HSF5: variants seen among roughly 807,000 people sequenced by gnomAD.
HSF5 encodes the protein heat shock transcription factor 5.
Under a neutral mutation model 50.8 loss-of-function variants are expected in HSF5, and 5 were observed. That is an observed-to-expected ratio of 0.10 (90% CI 0.05 to 0.21). HSF5 has a LOEUF of 0.21. HSF5 is among the 10% of genes least tolerant of loss of function. The pLI is 1.00. For missense variants in HSF5, 564 were observed against 762.6 expected, an observed-to-expected ratio of 0.74 and a Z score of 3.07; for synonymous variants, 307 against 307.4, an observed-to-expected ratio of 1.00 and a Z score of 0.02.
chr17:58,460,268 C>CT (rs1477803271), intron 4 of HSF5, among the ~76,000 whole-genome samples: 5 of 152,262 alleles, frequency 3.3e-5, no homozygotes, highest in Non-Finnish European at 7.4e-5. Flanking sequence ...ATCCTCCCAC[C>CT]TCAGCTTCCA....
intron 5 of HSF5, among the ~76,000 whole-genome samples, chr17:58,426,695 G>A (rs1265914467): frequency 4.6e-5 from 7 of 152,210 alleles, no homozygotes; most frequent in Admixed American, 4.6e-4. Context: ...CTATCAGAGT[G>A]TAGTTCCCAC....
At chr17:58,433,566 A>G (rs999196053) in intron 5 of HSF5, among the ~76,000 whole-genome samples, 11 of 152,226 alleles carry the variant, frequency 7.2e-5, no homozygotes, top group African/African-American at 2.4e-4. Flanking sequence ...AGAAATTAGG[A>G]AAGTTGAAGA....
At chr17:58,483,402 T>C (rs1305361255) in intron 1 of HSF5, among the ~76,000 whole-genome samples, 1 of 152,200 alleles carries the variant, frequency 6.6e-6, no homozygotes, top group Non-Finnish European at 1.5e-5. Flanking sequence ...TATTTATTCT[T>C]CTGTTAAGGG....
intron 3 of HSF5, among the ~76,000 whole-genome samples, chr17:58,463,786 A>G (rs1351257013): frequency 6.6e-6 from 1 of 152,260 alleles, no homozygotes; most frequent in East Asian, 1.9e-4. Context: ...AATATGGGGA[A>G]AAATGGATGG....
chr17:58,447,041 C>T (rs565137512), intron 5 of HSF5, among the ~76,000 whole-genome samples: 1 of 152,168 alleles, frequency 6.6e-6, no homozygotes, highest in Non-Finnish European at 1.5e-5. Flanking sequence ...AGGAGAATCG[C>T]TTGAACCTGG....
At chr17:58,465,085 G>C (rs1974843016) in intron 3 of HSF5, among the ~76,000 whole-genome samples, 1 of 151,036 alleles carries the variant, frequency 6.6e-6, no homozygotes. Context: ...TCCCAAGCTA[G>C]GACAAAAGGT....
intron 5 of HSF5, among the ~76,000 whole-genome samples, chr17:58,452,480 C>T (rs186379008): frequency 1.1e-4 from 16 of 152,222 alleles, no homozygotes; most frequent in Admixed American, 5.9e-4. Context: ...CCTGAAAAGA[C>T]CAATAATGAG....
At chr17:58,433,065 G>A (rs944495372) in intron 5 of HSF5, among the ~76,000 whole-genome samples, 1 of 152,158 alleles carries the variant, frequency 6.6e-6, no homozygotes, top group African/African-American at 2.4e-5. Context: ...CCAGGCTGGA[G>A]TGCAGTGGCA....
chr17:58,462,745 T>G, intron 4 of HSF5, 37 bp downstream of exon 4: 2 of 1,545,340 alleles, frequency 1.3e-6, no homozygotes, highest in Non-Finnish European at 1.7e-6. Flanking sequence ...ACTAGGTACT[T>G]TGAGCTTTAT....
intron 5 of HSF5, among the ~76,000 whole-genome samples, chr17:58,430,761 A>G (rs1419254811): frequency 2.0e-5 from 3 of 152,204 alleles, no homozygotes; most frequent in Admixed American, 1.3e-4. Flanking sequence ...CTCAGCCTCC[A>G]TAACAGTATA....
chr17:58,436,553 A>C (rs1254528855), intron 5 of HSF5, among the ~76,000 whole-genome samples: 1 of 152,152 alleles, frequency 6.6e-6, no homozygotes, highest in Admixed American at 6.5e-5. Context: ...AAAAAACAAC[A>C]GGAAGAGTTA....
intron 2 of HSF5, among the ~76,000 whole-genome samples, chr17:58,477,693 C>A (rs12944319): frequency 6.6e-6 from 1 of 151,604 alleles, no homozygotes; most frequent in African/African-American, 2.4e-5. Context: ...ATCTCCTGAC[C>A]TCGTGATCTG....
intron 5 of HSF5, among the ~76,000 whole-genome samples, chr17:58,436,144 T>C (rs2143739219): frequency 6.6e-6 from 1 of 152,194 alleles, no homozygotes; most frequent in Admixed American, 6.5e-5. Context: ...CACCAAAAGC[T>C]TTCTTTCTAA....
At chr17:58,445,414 T>G (rs562070216) in intron 5 of HSF5, among the ~76,000 whole-genome samples, 1 of 152,300 alleles carries the variant, frequency 6.6e-6, no homozygotes, top group African/African-American at 2.4e-5. Flanking sequence ...GCCTCATCTC[T>G]TAAAAGGAAA....
chr17:58,476,033 C>T, intron 2 of HSF5: 1 of 404,600 alleles, frequency 2.5e-6, no homozygotes, highest in Non-Finnish European at 4.5e-6. Flanking sequence ...AAGAGGAAAA[C>T]AAACAAAAAA....
intron 2 of HSF5, among the ~76,000 whole-genome samples, chr17:58,467,600 T>C (rs1365892112): frequency 6.6e-6 from 1 of 152,264 alleles, no homozygotes; most frequent in Non-Finnish European, 1.5e-5. Context: ...TTCTGCATCC[T>C]ATTAAAATAG....
intron 5 of HSF5, among the ~76,000 whole-genome samples, chr17:58,448,459 C>G (rs1419493352): frequency 6.6e-6 from 1 of 151,964 alleles, no homozygotes; most frequent in Non-Finnish European, 1.5e-5. Flanking sequence ...AGATCAAGAA[C>G]AAAGAAAGAA....
At chr17:58,464,331 A>G (rs935122392) in intron 3 of HSF5, among the ~76,000 whole-genome samples, 3 of 152,212 alleles carry the variant, frequency 2.0e-5, no homozygotes, top group African/African-American at 7.2e-5. Context: ...GAAATGTGAT[A>G]ATCTCCATTT....
At chr17:58,458,388 C>T (rs1025142189) in intron 5 of HSF5, among the ~76,000 whole-genome samples, 2 of 152,140 alleles carry the variant, frequency 1.3e-5, no homozygotes, top group Non-Finnish European at 2.9e-5. Flanking sequence ...AATGCATGCC[C>T]TCTTGTCCTA....
Sources: allele counts gnomAD v4.1 joint callset (sites outside exome capture counted in the v4.1 genomes callset), GRCh38; gene constraint gnomAD v4.1.1; transcripts MANE v1.5; gene names NCBI Gene and HGNC (gene_info 2026-07-23, HGNC 2026-07-21).